Variants in NRXN2 observed in about 807,000 individuals in gnomAD.
NRXN2 encodes neurexin 2.
A neutral mutation model predicts 128.8 loss-of-function variants in NRXN2; 29 were observed. The observed-to-expected ratio is 0.23, with a 90% CI of 0.17 to 0.31. NRXN2 has a LOEUF of 0.31. Ranked by LOEUF, NRXN2 falls within the 10% of genes least tolerant of loss-of-function variation. The pLI is 1.00. For missense variants in NRXN2, 1,881 were observed against 2,452.6 expected, an observed-to-expected ratio of 0.77 and a Z score of 4.92; for synonymous variants, 1,098 against 1,075.2, an observed-to-expected ratio of 1.02 and a Z score of -0.41.
chr11:64,634,322 T>C (rs1486707169), intron 18 of NRXN2, among the ~76,000 whole-genome samples: 3 of 151,598 alleles, frequency 2.0e-5, no homozygotes, highest in African/African-American at 4.9e-5. Flanking sequence ...AGGCTCGGGA[T>C]TGAGGACTGT....
At chr11:64,649,953 G>A (rs1042900275) in intron 15 of NRXN2, among the ~76,000 whole-genome samples, 10 of 151,970 alleles carry the variant, frequency 6.6e-5, no homozygotes, top group Non-Finnish European at 2.9e-5. Context: ...GCACCCTGAT[G>A]TGACCCTGAG....
chr11:64,697,660 G>C (rs765200926), intron 3 of NRXN2, 115 bp downstream of exon 3: 230 of 1,221,714 alleles, frequency 1.9e-4, no homozygotes, highest in Non-Finnish European at 2.5e-4. Context: ...TCCTTCTCCG[G>C]AGAGGCCCTA....
At chr11:64,702,547 T>A (rs1358325001) in intron 2 of NRXN2, among the ~76,000 whole-genome samples, 2 of 151,948 alleles carry the variant, frequency 1.3e-5, no homozygotes, top group East Asian at 3.9e-4. Flanking sequence ...CACTCAGGGT[T>A]GAATGGATTA....
Position 64,713,417 on chromosome 11 carries a change from A to C in NRXN2, c.283T>G (p.Cys95Gly). The C allele has an allele frequency of 6.7e-7, 1 of 1,498,252 alleles. No homozygotes were observed. Among genetic ancestry groups the C allele is most frequent in the Non-Finnish European group, 8.8e-7 (1 of 1,130,160 alleles). The allele number at this position is 1,498,252 out of a possible 1,614,324, so 92.8% of individuals were successfully genotyped here. A position where few individuals can be genotyped will look rare whatever the true frequency, so the allele number is the denominator to read the frequency against. Reference sequence around the variant, plus strand: ...AGCTGCAGCGTGGCCGGCTCGGCGCACGAAAGCGTGAAGCGCAGCCGCAGG... The same window carrying C: ...AGCTGCAGCGTGGCCGGCTCGGCGCCCGAAAGCGTGAAGCGCAGCCGCAGG... ...GRLRLRFTLS[C>G]AEPATLQLDT... Residue 95 changes from cysteine (C) to glycine (G), a missense_variant, in exon 2 of 23, where the codon TGC becomes GGC. By Grantham distance (159) the Cys-to-Gly change is radical (BLOSUM62 -3). This residue lies in a region of NRXN2 where 997 missense variants were observed against 1,240.8 expected (regional missense o/e 0.80). Transcript: ENST00000265459.
chr11:64,611,700 A>C (rs547694583), intron 22 of NRXN2, among the ~76,000 whole-genome samples: 17 of 152,220 alleles, frequency 1.1e-4, no homozygotes, highest in African/African-American at 4.1e-4. Context: ...ACCCTTCTGC[A>C]GCCTTCCTCT....
chr11:64,625,288 T>C (rs568738488), intron 20 of NRXN2, among the ~76,000 whole-genome samples: 1 of 152,056 alleles, frequency 6.6e-6, no homozygotes, highest in Admixed American at 6.5e-5. Context: ...AGGTGGGTAA[T>C]GAAGAGGAAG....
Position 64,630,262 on chromosome 11 carries a change from C to A in NRXN2, c.3757+140G>T. ...TGCCCTAGTCCCGCCTCGCAAGCTTCGTCTCTCCAGTAGCCCCGCCCCAGA... is the reference window on the plus strand; with the variant it reads ...TGCCCTAGTCCCGCCTCGCAAGCTTAGTCTCTCCAGTAGCCCCGCCCCAGA... On this transcript the variant is annotated intron_variant, in intron 19 of 22. Coordinates refer to ENST00000265459, the MANE Select transcript of NRXN2 (RefSeq NM_015080.4). The surrounding 1 kb of genome is among the most constrained non-coding windows in gnomAD (Gnocchi z 4.6). 1.3e-6 allele frequency: 1 copy of A among 781,070 alleles called. No homozygotes were observed. The allele number at this position is 781,070 out of a possible 1,614,324, so 48.4% of individuals were successfully genotyped here.
At chr11:64,639,320 T>C (rs1416777329) in intron 17 of NRXN2, among the ~76,000 whole-genome samples, 1 of 152,084 alleles carries the variant, frequency 6.6e-6, no homozygotes. Flanking sequence ...AACCCCCTGC[T>C]TGGCCATAAA....
chr11:64,623,179 T>G lies in NRXN2; in HGVS notation c.3848-101A>C. ...GGAAGCCAAGGAGAGGAAAGAGGAA[T>G]GGAGGAGAAAGCCAGTAAGGGAGGA... On this transcript the variant is annotated intron_variant, in intron 20 of 22. Transcript: ENST00000265459. This position sits in a 1 kb window ranked among gnomAD's most constrained non-coding sequence, Gnocchi z 4.9. 3 of 1,466,872 alleles carry G rather than the reference T, an allele frequency of 2.0e-6. No individual in the cohort carries two copies. Among genetic ancestry groups the G allele is most frequent in the Non-Finnish European group, 2.7e-6 (3 of 1,104,686 alleles). 90.9% of individuals were successfully genotyped at this position (1,466,872 alleles called of 1,614,324 possible). A position where few individuals can be genotyped will look rare whatever the true frequency, so the allele number is the denominator to read the frequency against.
In NRXN2 at chr11:64,660,961, C is replaced by T. The variant is rs2048945707; in HGVS notation, c.1977G>A (p.Arg659=). 1 of 1,613,928 alleles carries T rather than the reference C, an allele frequency of 6.2e-7. No individual in the cohort carries two copies. The highest frequency in any genetic ancestry group is 1.7e-5 in the Admixed American group (1 of 60,032). Reference sequence around the variant, plus strand: ...GGCTACGCCCATCTATGAAGAGGTCCCGCACACAGCCCACGTAGCCTGCCC... The same window carrying T: ...GGCTACGCCCATCTATGAAGAGGTCTCGCACACAGCCCACGTAGCCTGCCC... ...ALRAGYVGCV[R]DLFIDGRSRD... Residue 659 remains arginine, a synonymous_variant, in exon 10 of 23, where the codon CGG becomes CGA. Transcript: ENST00000265459. The surrounding 1 kb of genome is among the most constrained non-coding windows in gnomAD (Gnocchi z 5.2).
At chr11:64,701,888 G>C (rs2055438748) in intron 2 of NRXN2, among the ~76,000 whole-genome samples, 2 of 114,458 alleles carry the variant, frequency 1.7e-5, no homozygotes, top group Non-Finnish European at 3.5e-5. Flanking sequence ...CAGCCGCTCT[G>C]TCCGGGAGGG....
rs1195853686 is a variant in NRXN2, at chr11:64,623,115, G to A, written c.3848-37C>T. 1.3e-6 allele frequency: 2 copies of A among 1,570,098 alleles called. No individual in the cohort carries two copies. The highest frequency in any genetic ancestry group is 1.7e-6 in the Non-Finnish European group (2 of 1,155,020). On this transcript the variant is annotated intron_variant, in intron 20 of 22. Transcript: ENST00000265459. This position sits in a 1 kb window ranked among gnomAD's most constrained non-coding sequence, Gnocchi z 4.9. ...GGAAGGGGGTGACAGAGAAGGGGCA[G>A]GCAGTGAGGGGAGACCAGGAAGGGA...
At position 64,635,287 on chromosome 11, in the gene NRXN2, T is replaced by C; in HGVS notation, c.3569A>G (p.Tyr1190Cys). Residue 1190 changes from tyrosine to cysteine, a missense_variant, in exon 18 of 23, where the codon TAC becomes TGC. Around this residue, in one of 7 missense-constraint regions of NRXN2, gnomAD observed 390 missense variants for 599.6 expected, o/e 0.65. Transcript: ENST00000265459. The surrounding 1 kb of genome is among the most constrained non-coding windows in gnomAD (Gnocchi z 4.8). ...RVDSASGLGD[Y>C]LQLHIDQGTV... Reference sequence around the variant, plus strand: ...GGTCCTTACGATGTGCAGCTGCAGGTAGTCTCCAAGGCCGGAGGCGCTGTC... The same window carrying C: ...GGTCCTTACGATGTGCAGCTGCAGGCAGTCTCCAAGGCCGGAGGCGCTGTC... The C allele has an allele frequency of 6.2e-7, 1 of 1,612,826 alleles. No homozygotes were observed. The highest frequency in any genetic ancestry group is 8.5e-7 in the Non-Finnish European group (1 of 1,179,938).
chr11:64,702,281 A>AG (rs1222518899), intron 2 of NRXN2, among the ~76,000 whole-genome samples: 1 of 152,020 alleles, frequency 6.6e-6, no homozygotes, highest in Admixed American at 6.5e-5. Flanking sequence ...CTGCCCGGCC[A>AG]CCACCCGTCT....
At chr11:64,658,475 T>C (rs1374875700) in intron 11 of NRXN2, among the ~76,000 whole-genome samples, 1 of 152,160 alleles carries the variant, frequency 6.6e-6, no homozygotes, top group Non-Finnish European at 1.5e-5. Context: ...GCTGTGATCG[T>C]GGTTAGAAAC....
intron 2 of NRXN2, among the ~76,000 whole-genome samples, chr11:64,702,212 G>A (rs1469243569): frequency 4.6e-5 from 7 of 151,542 alleles, no homozygotes; most frequent in Middle Eastern, 3.4e-3. Context: ...CAGCCGCCCC[G>A]TCCGGGAGGT....
At chr11:64,708,435 C>T (rs2056558208) in intron 2 of NRXN2, among the ~76,000 whole-genome samples, 1 of 152,204 alleles carries the variant, frequency 6.6e-6, no homozygotes, top group South Asian at 2.1e-4. Context: ...ACACAGGTGA[C>T]ATGAGGAAGC....
At chr11:64,643,206 G>T in intron 17 of NRXN2, 2 of 979,210 alleles carry the variant, frequency 2.0e-6, no homozygotes, top group Non-Finnish European at 2.4e-6. Flanking sequence ...CGGAAAAACC[G>T]AGCTGGGGAG....
In NRXN2 at chr11:64,607,401, G is replaced by A; in HGVS notation, c.4934C>T (p.Ala1645Val). The A allele has an allele frequency of 6.2e-7, 1 of 1,612,688 alleles. No individual in the cohort carries two copies. The highest frequency in any genetic ancestry group is 8.5e-7 in the Non-Finnish European group (1 of 1,179,866). ...GAGGATGAGGATGCAGAGCGCCGCC[G>A]CCGCCACAATGCCCACCACCATGCC... ...TTGMVVGIVA[A>V]AALCILILLY... Residue 1645 changes from alanine (A) to valine (V), a missense_variant, in exon 23 of 23, where the codon GCG (alanine) becomes GTG (valine). Physicochemically the swap from Ala to Val is moderately conservative, Grantham distance 64 (BLOSUM62 0). Transcript: ENST00000265459.
Sources: gnomAD v4.1 joint callset for allele counts (sites outside exome capture counted in the v4.1 genomes callset) on GRCh38, gnomAD v4.1.1 for gene constraint, gnomAD v4.1.1 regional missense constraint, Gnocchi (gnomAD v3.1) non-coding constraint, MANE v1.5 for transcripts, NCBI Gene and HGNC (gene_info 2026-07-23, HGNC 2026-07-21) for gene names.